PRSS3: variants seen among roughly 807,000 people sequenced by gnomAD.
PRSS3 encodes trypsin-3.
PRSS3 carries 14 observed loss-of-function variants against 20.8 expected under a neutral mutation model. That is an observed-to-expected ratio of 0.67 (90% confidence interval 0.44 to 1.05). PRSS3 has a LOEUF of 1.05. PRSS3 is among the 50% of genes least tolerant of loss of function. The pLI is 0.00. For missense variants in PRSS3, 237 were observed against 306.4 expected (o/e 0.77, Z 1.69); for synonymous variants, 91 against 117.6 (o/e 0.77, Z 1.46).
chr9:33,795,698 T>G lies in PRSS3; in HGVS notation c.40+85T>G. The G allele has an allele frequency of 2.0e-6, 3 of 1,488,756 alleles. No individual in the cohort carries two copies. The South Asian group carries it at 3.4e-5, about 17-fold the overall frequency. 92.2% of individuals were successfully genotyped at this position (1,488,756 alleles called of 1,614,324 possible). On this transcript the variant is annotated intron_variant, in intron 1 of 4. Transcript: ENST00000379405. Reference sequence around the variant, plus strand: ...TGCCATTCTTGCCACCTCTCCTCTTTTGACTGCGCTCTGATATTCTATTTC... The same window carrying G: ...TGCCATTCTTGCCACCTCTCCTCTTGTGACTGCGCTCTGATATTCTATTTC...
rs897321603 is a variant in PRSS3, at chr9:33,798,684, G to A, written c.591+62G>A. 2.5e-6 allele frequency: 4 copies of A among 1,586,562 alleles called. No homozygotes were observed. In the Admixed American group the frequency reaches 6.9e-5, roughly 27 times the overall value. ...ATACCCAGGCCCCACCGGGGAAAAA[G>A]ATTTGAACTCCCAAGGTGGCAGGGC... On this transcript the variant is annotated intron_variant, in intron 4 of 4. Transcript: ENST00000379405.
At chr9:33,755,328 T>G (rs572179923) in intron 1 of PRSS3, among the ~76,000 whole-genome samples, 1 of 152,224 alleles carries the variant, frequency 6.6e-6, no homozygotes, top group Non-Finnish European at 1.5e-5. Flanking sequence ...TAGAAGGTTT[T>G]TATTGAGTTT....
chr9:33,779,665 G>A (rs143688900), intron 1 of PRSS3, among the ~76,000 whole-genome samples: 2 of 152,060 alleles, frequency 1.3e-5, no homozygotes, highest in East Asian at 1.9e-4. Flanking sequence ...TCAGGAGATC[G>A]AGACCATCCT....
intron 1 of PRSS3, among the ~76,000 whole-genome samples, chr9:33,753,138 T>C (rs769600350): frequency 3.3e-5 from 5 of 152,228 alleles, no homozygotes; most frequent in Non-Finnish European, 7.3e-5. Flanking sequence ...GAGTGGTTTT[T>C]GTTGTTCTTG....
chr9:33,767,310 A>G (rs1029107384), intron 1 of PRSS3, among the ~76,000 whole-genome samples: 1 of 151,772 alleles, frequency 6.6e-6, no homozygotes, highest in African/African-American at 2.4e-5. Context: ...CAGAAAAAGT[A>G]AAAAATAAAG....
Position 33,798,508 on chromosome 9 carries a change from G to C in PRSS3, c.477G>C (p.Lys159Asn). 6.2e-7 allele frequency: 1 copy of C among 1,612,924 alleles called. No homozygotes were observed. Among genetic ancestry groups the C allele is most frequent in the Admixed American group, 1.7e-5 (1 of 59,936 alleles). Residue 159 changes from lysine to asparagine, a missense_variant, in exon 4 of 5, where the codon AAG (lysine) becomes AAC (asparagine). Lys to Asn is a moderately conservative substitution (Grantham distance 94). Transcript: ENST00000379405. ...SFGADYPDEL[K>N]CLDAPVLTQA... ...CAGCTGACTACCCAGACGAGCTGAA[G>C]TGCCTGGATGCTCCGGTGCTGACCC...
At chr9:33,756,061 C>T (rs1278544136) in intron 1 of PRSS3, among the ~76,000 whole-genome samples, 1 of 151,998 alleles carries the variant, frequency 6.6e-6, no homozygotes, top group African/African-American at 2.4e-5. Flanking sequence ...AAAGAAGGCT[C>T]CCAAAAGTGT....
intron 1 of PRSS3, among the ~76,000 whole-genome samples, chr9:33,788,912 C>G (rs879483004): frequency 9.9e-5 from 15 of 152,134 alleles, no homozygotes; most frequent in African/African-American, 1.2e-4. Context: ...TTTACTAATT[C>G]ACACCTCAGC....
intron 1 of PRSS3, among the ~76,000 whole-genome samples, chr9:33,782,009 T>C (rs574300234): frequency 1.4e-4 from 22 of 152,344 alleles, no homozygotes; most frequent in African/African-American, 5.0e-4. Context: ...CATATTTATA[T>C]TGCCAGCTCA....
intron 1 of PRSS3, among the ~76,000 whole-genome samples, chr9:33,779,726 G>A (rs1316418302): frequency 1.3e-5 from 2 of 151,740 alleles, no homozygotes; most frequent in African/African-American, 4.8e-5. Flanking sequence ...AAAACTAGCC[G>A]GGCATGGTGG....
At chr9:33,763,897 C>T (rs1823313457) in intron 1 of PRSS3, among the ~76,000 whole-genome samples, 1 of 152,112 alleles carries the variant, frequency 6.6e-6, no homozygotes, top group South Asian at 2.1e-4. Flanking sequence ...CATGACACTA[C>T]CCTCTATAAT....
At chr9:33,787,666 C>T (rs1041956094) in intron 1 of PRSS3, among the ~76,000 whole-genome samples, 3 of 152,314 alleles carry the variant, frequency 2.0e-5, no homozygotes, top group African/African-American at 7.2e-5. Flanking sequence ...GGGCCATAGA[C>T]TAAGCAGACC....
At chr9:33,796,249 C>T (rs965581513) in intron 1 of PRSS3, among the ~76,000 whole-genome samples, 6 of 152,176 alleles carry the variant, frequency 3.9e-5, no homozygotes, top group African/African-American at 1.4e-4. Flanking sequence ...GGGGGTTTTC[C>T]TAGCTTAGCC....
chr9:33,770,428 G>A (rs1325806653), intron 1 of PRSS3, among the ~76,000 whole-genome samples: 2 of 152,142 alleles, frequency 1.3e-5, no homozygotes. Context: ...TCTGGGTTAA[G>A]ACTTCTGGCA....
At chr9:33,779,867 TAAAAAAAAAAAA>T (rs35501160) in intron 1 of PRSS3, among the ~76,000 whole-genome samples, 55 of 31,856 alleles carry the variant, frequency 1.7e-3, no homozygotes, top group South Asian at 8.5e-3. Context: ...AGACTCTGTC[TAAAAAAAAAAAA>T]AAAAAAAAAA....
Position 33,772,950 on chromosome 9 carries a change from T to C in PRSS3, c.-52-21796T>C, listed in dbSNP as rs139126236. Among the ~76,000 whole-genome samples, 915 of 152,322 alleles carry C rather than the reference T, an allele frequency of 6.0e-3. 7 individuals carry two copies. The highest frequency in any genetic ancestry group is 0.02 in the African/African-American group (834 of 41,566). ...TCCTTCCATTCATCTGGACATCTCT[T>C]CTTTCACCATTTCCTGCTTTCCCCC... On this transcript the variant is annotated intron_variant, in intron 1 of 5. Coordinates refer to the PRSS3 transcript ENST00000342836.
chr9:33,782,698 A>G lies in PRSS3; in HGVS notation c.-52-12048A>G, dbSNP rs200334492. Reference sequence around the variant, plus strand: ...CACTAACCATCCACATACCCACTCAAATTAAACCACCTGGCAACACCAAAT... The same window carrying G: ...CACTAACCATCCACATACCCACTCAGATTAAACCACCTGGCAACACCAAAT... On this transcript the variant is annotated intron_variant, in intron 1 of 5. Coordinates refer to the PRSS3 transcript ENST00000342836. 1.2e-4 allele frequency among the ~76,000 whole-genome samples: 18 copies of G among 152,306 alleles called. No individual in the cohort carries two copies. In the East Asian group the frequency reaches 3.3e-3, roughly 28 times the overall value.
At chr9:33,792,677 C>T (rs1277335687), upstream of PRSS3, among the ~76,000 whole-genome samples, 3 of 152,204 alleles carry the variant, frequency 2.0e-5, no homozygotes, top group Non-Finnish European at 2.9e-5. Context: ...GAGCAAGTCA[C>T]TTTACCTCCA....
At chr9:33,780,538 C>G (rs1443973789) in intron 1 of PRSS3, among the ~76,000 whole-genome samples, 1 of 152,074 alleles carries the variant, frequency 6.6e-6, no homozygotes, top group Non-Finnish European at 1.5e-5. Flanking sequence ...GGTATGAAAT[C>G]AAAATCACAC....
Sources: gnomAD v4.1 joint callset for allele counts (sites outside exome capture counted in the v4.1 genomes callset) on GRCh38, gnomAD v4.1.1 for gene constraint, MANE v1.5 for transcripts, NCBI Gene and HGNC (gene_info 2026-07-23, HGNC 2026-07-21) for gene names.